The following GNAQ variants were observed in gnomAD, a reference collection of about 807,000 sequenced individuals.
The protein encoded by GNAQ is G protein subunit alpha q, also known as guanine nucleotide-binding protein G(q) subunit alpha.
GNAQ carries 8 observed loss-of-function variants against 43.9 expected under a neutral mutation model. That is an observed-to-expected ratio of 0.18 (90% CI 0.11 to 0.33). The LOEUF (loss-of-function observed/expected upper bound fraction) is 0.33, where lower values mean the gene tolerates loss of function less well. GNAQ is among the 10% of genes least tolerant of loss of function. The pLI, the probability that GNAQ is intolerant of heterozygous loss-of-function variation, is 1.00. For missense variants in GNAQ, 158 were observed against 450.8 expected, an observed-to-expected ratio of 0.35 and a Z score of 5.88; for synonymous variants, 155 against 170.7, an observed-to-expected ratio of 0.91 and a Z score of 0.71.
intron 2 of GNAQ, among the ~76,000 whole-genome samples, chr9:77,867,846 G>C (rs1184785517): frequency 6.6e-6 from 1 of 152,168 alleles, no homozygotes; most frequent in Non-Finnish European, 1.5e-5. Context: ...AGAGACAGGT[G>C]TAAAAGGACA....
At chr9:77,837,985 G>A (rs1243168341) in intron 2 of GNAQ, among the ~76,000 whole-genome samples, 3 of 151,650 alleles carry the variant, frequency 2.0e-5, no homozygotes, top group African/African-American at 7.3e-5. Context: ...AGCCTCCTGA[G>A]TAGCTGGAAC....
chr9:77,759,615 G>GACTT (rs1825957235), intron 5 of GNAQ, among the ~76,000 whole-genome samples: 1 of 152,120 alleles, frequency 6.6e-6, no homozygotes, highest in African/African-American at 2.4e-5. Context: ...AGTTTGGACT[G>GACTT]ACTTATGCTC....
At chr9:77,971,143 A>T (rs532288470) in intron 1 of GNAQ, among the ~76,000 whole-genome samples, 1 of 152,334 alleles carries the variant, frequency 6.6e-6, no homozygotes, top group African/African-American at 2.4e-5. Flanking sequence ...TTAATAGCAT[A>T]CCAACCAAAA....
intron 1 of GNAQ, among the ~76,000 whole-genome samples, chr9:77,966,266 G>A (rs1823166258): frequency 6.6e-6 from 1 of 152,146 alleles, no homozygotes; most frequent in Non-Finnish European, 1.5e-5. Flanking sequence ...ATAGACACAT[G>A]TAAGTGACAA....
At chr9:78,025,605 A>C (rs1213300151) in intron 1 of GNAQ, among the ~76,000 whole-genome samples, 1 of 152,164 alleles carries the variant, frequency 6.6e-6, no homozygotes, top group Non-Finnish European at 1.5e-5. Context: ...TTGCTTCACA[A>C]ACTTGTATTT....
intron 1 of GNAQ, among the ~76,000 whole-genome samples, chr9:77,964,474 C>T (rs1823142734): frequency 6.6e-6 from 1 of 152,088 alleles, no homozygotes; most frequent in Non-Finnish European, 1.5e-5. Flanking sequence ...GCTTTCCCAA[C>T]AACAACGAAA....
intron 5 of GNAQ, among the ~76,000 whole-genome samples, chr9:77,757,754 C>G (rs1344624740): frequency 6.6e-6 from 1 of 152,176 alleles, no homozygotes; most frequent in East Asian, 1.9e-4. Context: ...CATAAATGTT[C>G]TTCAATTTCA....
rs547963667 is a variant in GNAQ at position 77,753,086 on chromosome 9, C to CAAA, written c.736-24422_736-24420dup. ...TGGGAGACAGAGCAAGACTCTGTCT[C>CAAA]AAAAAAAAAAAAAAAAAAAAGAAAA... On this transcript the variant is annotated intron_variant, in intron 5 of 6. Transcript: ENST00000286548. Among the ~76,000 whole-genome samples, 348 of 52,892 alleles carry CAAA rather than the reference C, an allele frequency of 6.6e-3. 12 individuals carry two copies. The highest frequency in any genetic ancestry group is 0.019 in the African/African-American group (288 of 15,566). The allele number at this position is 52,892 out of a possible 152,430, so 34.7% of individuals were successfully genotyped here. A position where few individuals can be genotyped will look rare whatever the true frequency, so the allele number is the denominator to read the frequency against.
chr9:77,758,613 A>G (rs1825940075), intron 5 of GNAQ, among the ~76,000 whole-genome samples: 1 of 152,226 alleles, frequency 6.6e-6, no homozygotes, highest in Admixed American at 6.5e-5. Flanking sequence ...GTATCATTTC[A>G]GAAAAATTTA....
intron 1 of GNAQ, among the ~76,000 whole-genome samples, chr9:78,028,230 GACA>G (rs1266301467): frequency 5.3e-5 from 8 of 152,186 alleles, no homozygotes; most frequent in South Asian, 2.1e-4. Flanking sequence ...TAAGTTAAAA[GACA>G]ACAAGAAAAT....
At chr9:77,966,161 A>C (rs754290806) in intron 1 of GNAQ, among the ~76,000 whole-genome samples, 1 of 152,066 alleles carries the variant, frequency 6.6e-6, no homozygotes, top group Non-Finnish European at 1.5e-5. Context: ...CAGTGTTTGG[A>C]GGGGGAGATA....
intron 1 of GNAQ, among the ~76,000 whole-genome samples, chr9:77,939,659 A>C (rs889089241): frequency 6.6e-6 from 1 of 152,214 alleles, no homozygotes; most frequent in African/African-American, 2.4e-5. Flanking sequence ...ACAGATAATC[A>C]ACTGGGTGAA....
intron 2 of GNAQ, among the ~76,000 whole-genome samples, chr9:77,872,552 T>C (rs577247715): frequency 2.6e-5 from 4 of 152,306 alleles, no homozygotes; most frequent in South Asian, 4.1e-4. Context: ...AAACCCATAA[T>C]ACAAACATAT....
intron 3 of GNAQ, among the ~76,000 whole-genome samples, chr9:77,811,151 A>T (rs573412038): frequency 6.6e-6 from 1 of 152,110 alleles, no homozygotes; most frequent in Non-Finnish European, 1.5e-5. Flanking sequence ...TACTCTGAAG[A>T]CCTACCACTA....
intron 1 of GNAQ, among the ~76,000 whole-genome samples, chr9:77,944,451 A>G (rs747285742): frequency 6.6e-6 from 1 of 152,044 alleles, no homozygotes; most frequent in Admixed American, 6.6e-5. Context: ...CTCACCCCAT[A>G]TATCCTCTTT....
intron 2 of GNAQ, among the ~76,000 whole-genome samples, chr9:77,843,027 A>T (rs553161948): frequency 6.6e-6 from 1 of 152,190 alleles, no homozygotes; most frequent in African/African-American, 2.4e-5. Context: ...AAAAGAACAC[A>T]CAGACTAAGG....
intron 2 of GNAQ, among the ~76,000 whole-genome samples, chr9:77,835,442 T>A (rs1564125400): frequency 6.6e-6 from 1 of 152,186 alleles, no homozygotes; most frequent in Non-Finnish European, 1.5e-5. Flanking sequence ...TCTAATACTT[T>A]AAATCTAACG....
At chr9:77,920,137 CAA>C (rs879842743) in intron 2 of GNAQ, among the ~76,000 whole-genome samples, 1 of 128,946 alleles carries the variant, frequency 7.8e-6, no homozygotes, top group African/African-American at 2.8e-5. Context: ...GACTCTGTCT[CAA>C]AAAAAAAAAA....
At chr9:77,778,151 TA>T (rs1826332580) in intron 5 of GNAQ, among the ~76,000 whole-genome samples, 1 of 151,908 alleles carries the variant, frequency 6.6e-6, no homozygotes, top group Non-Finnish European at 1.5e-5. Context: ...ATCTAACAGA[TA>T]ACAGCTCTAA....
Sources: gnomAD v4.1 joint callset for allele counts (sites outside exome capture counted in the v4.1 genomes callset) on GRCh38, gnomAD v4.1.1 for gene constraint, MANE v1.5 for transcripts, NCBI Gene and HGNC (gene_info 2026-07-23, HGNC 2026-07-21) for gene names.